The following DOCK10 variants were observed in gnomAD, a reference collection of about 807,000 sequenced individuals.
DOCK10 encodes the protein dedicator of cytokinesis protein 10.
DOCK10 carries 145 observed loss-of-function variants against 280.1 expected under a neutral mutation model. That is an observed-to-expected ratio of 0.52 (90% CI 0.45 to 0.59). DOCK10 has a LOEUF of 0.59. Ranked by LOEUF, DOCK10 falls within the 20% of genes least tolerant of loss-of-function variation. DOCK10 has a pLI of 0.00. For synonymous variants in DOCK10, 915 were observed against 942.2 expected (o/e 0.97, Z 0.53); for missense variants, 2,368 against 2,651.7 (o/e 0.89, Z 2.35).
intron 1 of DOCK10, among the ~76,000 whole-genome samples, chr2:224,979,884 T>G (rs1705657443): frequency 6.6e-6 from 1 of 151,942 alleles, no homozygotes; most frequent in South Asian, 2.1e-4. Context: ...TTAAACAGCA[T>G]GCCCAAGGTC....
At chr2:224,801,299 A>AAAAC (rs1553568054) in intron 40 of DOCK10, among the ~76,000 whole-genome samples, 1 of 151,866 alleles carries the variant, frequency 6.6e-6, no homozygotes. Flanking sequence ...AAAAAAAAAA[A>AAAAC]AAAACATATT....
At chr2:224,906,868 G>A (rs1700678866) in intron 3 of DOCK10, among the ~76,000 whole-genome samples, 1 of 152,188 alleles carries the variant, frequency 6.6e-6, no homozygotes, top group Non-Finnish European at 1.5e-5. Flanking sequence ...CTTGCCTGAT[G>A]GTATGCACCT....
intron 24 of DOCK10, among the ~76,000 whole-genome samples, chr2:224,838,272 C>A (rs1695721554): frequency 6.6e-6 from 1 of 152,190 alleles, no homozygotes; most frequent in South Asian, 2.1e-4. Flanking sequence ...CCTATAGGCA[C>A]TATATATGCT....
intron 37 of DOCK10, 87 bp downstream of exon 37, chr2:224,804,971 A>G (rs1343348620): frequency 3.8e-6 from 5 of 1,314,612 alleles, no homozygotes; most frequent in South Asian, 1.4e-5. Context: ...ATAACTTACT[A>G]TATGGGTTCT....
chr2:224,920,437 A>C (rs2125968768), intron 2 of DOCK10, among the ~76,000 whole-genome samples: 1 of 151,722 alleles, frequency 6.6e-6, no homozygotes, highest in Non-Finnish European at 1.5e-5. Flanking sequence ...TATGCTATTC[A>C]CTCTGTTAGA....
chr2:225,011,797 C>A (rs1422834383), intron 1 of DOCK10, among the ~76,000 whole-genome samples: 1 of 152,108 alleles, frequency 6.6e-6, no homozygotes, highest in Non-Finnish European at 1.5e-5. Flanking sequence ...AAATGTTAGG[C>A]TCTGCAAGAA....
At chr2:224,961,468 T>TTCTTTCTTTCTC (rs10672849) in intron 1 of DOCK10, among the ~76,000 whole-genome samples, 1 of 66,620 alleles carries the variant, frequency 1.5e-5, no homozygotes, top group Non-Finnish European at 3.0e-5. Context: ...CTTTCTTTCT[T>TTCTTTCTTTCTC]TTTCTTTCTT....
intron 1 of DOCK10, among the ~76,000 whole-genome samples, chr2:225,010,045 A>C (rs1272747529): frequency 6.6e-6 from 1 of 152,128 alleles, no homozygotes; most frequent in South Asian, 2.1e-4. Context: ...TTCTTCTGGC[A>C]TTGGCTGGGG....
At chr2:225,032,512 A>C (rs1244625081) in intron 1 of DOCK10, among the ~76,000 whole-genome samples, 2 of 151,274 alleles carry the variant, frequency 1.3e-5, no homozygotes, top group African/African-American at 4.9e-5. Context: ...AGAAAACTTA[A>C]AATACATTTT....
At chr2:224,887,955 C>T (rs1699405797) in intron 4 of DOCK10, among the ~76,000 whole-genome samples, 1 of 152,144 alleles carries the variant, frequency 6.6e-6, no homozygotes, top group Non-Finnish European at 1.5e-5. Context: ...CCCCTGGTAA[C>T]TGTTGGTGAG....
At chr2:224,808,753 G>C (rs1047550926) in intron 31 of DOCK10, among the ~76,000 whole-genome samples, 10 of 152,118 alleles carry the variant, frequency 6.6e-5, no homozygotes, top group Admixed American at 2.6e-4. Context: ...TTAACACACC[G>C]ATAGCTTTGA....
chr2:224,977,031 A>G (rs1334032334), intron 1 of DOCK10, among the ~76,000 whole-genome samples: 4 of 152,148 alleles, frequency 2.6e-5, no homozygotes, highest in African/African-American at 2.4e-5. Flanking sequence ...CAATTCCCTT[A>G]CTCAGAAATG....
intron 3 of DOCK10, among the ~76,000 whole-genome samples, chr2:224,907,511 C>T (rs1164775453): frequency 6.6e-6 from 1 of 152,052 alleles, no homozygotes; most frequent in Non-Finnish European, 1.5e-5. Flanking sequence ...CATGGTGAAA[C>T]CCTGTCTCTA....
At chr2:224,930,956 G>A (rs986452071) in intron 2 of DOCK10, among the ~76,000 whole-genome samples, 11 of 152,168 alleles carry the variant, frequency 7.2e-5, no homozygotes, top group Non-Finnish European at 2.9e-5. Context: ...TCTCCAAAGC[G>A]AATTTCCTTT....
intron 22 of DOCK10, 122 bp from the exon 23 acceptor site, chr2:224,842,018 A>C: frequency 7.1e-6 from 5 of 706,870 alleles, no homozygotes; most frequent in Admixed American, 2.2e-5. Flanking sequence ...CAAATGCTTT[A>C]TTAAGGAGTC....
intron 1 of DOCK10, among the ~76,000 whole-genome samples, chr2:225,033,834 C>T (rs555195530): frequency 2.0e-5 from 3 of 152,272 alleles, no homozygotes; most frequent in African/African-American, 7.2e-5. Context: ...AACCCAACCA[C>T]GCCCCCCAAC....
In DOCK10 at chr2:224,818,398, C is replaced by CTTTT. The variant is rs386392783; in HGVS notation, c.3267+1044_3267+1047dup. On this transcript the variant is annotated intron_variant, in intron 29 of 55. Coordinates refer to ENST00000258390, the MANE Select transcript of DOCK10 (RefSeq NM_014689.3). Reference sequence around the variant, plus strand: ...GTGCTTGAAAAGGCCTGGCCCCTGCCTTTTTTTTTTTTTTTTTTGAGACGG... The same window carrying CTTTT: ...GTGCTTGAAAAGGCCTGGCCCCTGCCTTTTTTTTTTTTTTTTTTTTTTGAGACGG... 3.7e-4 allele frequency among the ~76,000 whole-genome samples: 47 copies of CTTTT among 126,442 alleles called. 4 individuals are homozygous for CTTTT. The highest frequency in any genetic ancestry group is 1.4e-3 in the African/African-American group (42 of 30,952). 83.0% of individuals were successfully genotyped at this position (126,442 alleles called of 152,430 possible). A position where few individuals can be genotyped will look rare whatever the true frequency, so the allele number is the denominator to read the frequency against.
chr2:224,898,357 C>T (rs925708751), intron 3 of DOCK10, among the ~76,000 whole-genome samples: 4 of 151,968 alleles, frequency 2.6e-5, no homozygotes, highest in African/African-American at 2.4e-5. Flanking sequence ...CAGAGGTGGG[C>T]ATAGGAGGAT....
Position 224,787,094 on chromosome 2 carries a change from C to G in DOCK10, c.5583G>C (p.Leu1861=), listed in dbSNP as rs1192630072. Reference sequence around the variant, plus strand: ...CCGAATTCACCACCTCTGCCACTTTCAGATATGACCGATGAATGTCGTAGT... The same window carrying G: ...CCGAATTCACCACCTCTGCCACTTTGAGATATGACCGATGAATGTCGTAGT... ...DLYYDIHRSY[L]KVAEVVNSEK... Residue 1861 remains leucine, a synonymous_variant, in exon 50 of 56, where the codon CTG becomes CTC. Coordinates refer to ENST00000258390, the MANE Select transcript of DOCK10 (RefSeq NM_014689.3). 6.2e-7 allele frequency: 1 copy of G among 1,614,042 alleles called. No individual in the cohort carries two copies. The highest frequency in any genetic ancestry group is 1.7e-5 in the Admixed American group (1 of 60,036).
Sources: allele counts gnomAD v4.1 joint callset (sites outside exome capture counted in the v4.1 genomes callset), GRCh38; gene constraint gnomAD v4.1.1; transcripts MANE v1.5; gene names NCBI Gene and HGNC (gene_info 2026-07-23, HGNC 2026-07-21).